The following CDIP1 variants were observed in gnomAD, a reference collection of about 807,000 sequenced individuals.
The protein encoded by CDIP1 is cell death inducing p53 target 1, also known as cell death-inducing p53-target protein 1.
CDIP1 carries 9 observed loss-of-function variants against 17.7 expected under a neutral mutation model. That is an observed-to-expected ratio of 0.51 (90% confidence interval 0.31 to 0.89). The LOEUF is 0.89. CDIP1 is among the 40% of genes least tolerant of loss of function. The pLI, the probability that CDIP1 is intolerant of heterozygous loss-of-function variation, is 0.05. For missense variants in CDIP1, 263 were observed against 277.9 expected, an observed-to-expected ratio of 0.95 and a Z score of 0.38; for synonymous variants, 117 against 109.5, an observed-to-expected ratio of 1.07 and a Z score of -0.43.
intron 1 of CDIP1, among the ~76,000 whole-genome samples, chr16:4,529,356 G>A (rs1227527979): frequency 6.6e-6 from 1 of 152,192 alleles, no homozygotes; most frequent in Non-Finnish European, 1.5e-5. Context: ...TAATAAAAAC[G>A]AGTGATAGAG....
At chr16:4,517,383 A>G (rs1160952579) in intron 1 of CDIP1, among the ~76,000 whole-genome samples, 1 of 152,188 alleles carries the variant, frequency 6.6e-6, no homozygotes, top group Non-Finnish European at 1.5e-5. Flanking sequence ...CTAGGACCCC[A>G]GCATGACTCT....
In CDIP1 at chr16:4,518,553, C is replaced by T. The variant is rs142249803; in HGVS notation, c.-104-3889G>A. 2.1e-4 allele frequency among the ~76,000 whole-genome samples: 32 copies of T among 152,324 alleles called. No homozygotes were observed. The East Asian group carries it at 4.3e-3, about 20-fold the overall frequency. ...CTGCTACTCACTGCTCCCCCTCACC[C>T]CTCCATATCCACATGCGTCCTCCTG... On this transcript the variant is annotated intron_variant, in intron 1 of 5. Coordinates refer to ENST00000567695, the MANE Select transcript of CDIP1 (RefSeq NM_013399.3).
At chr16:4,536,556 A>G (rs1413072243) in intron 1 of CDIP1, 1 of 151,990 alleles carries the variant, frequency 6.6e-6, no homozygotes, top group Non-Finnish European at 1.5e-5. Context: ...TCTCAAAACA[A>G]TTTTGTTCCC....
rs375638981 is a variant in CDIP1, at chr16:4,514,089, T to C, written c.42A>G (p.Thr14=). The C allele has an allele frequency of 1.6e-5, 25 of 1,541,982 alleles. No homozygotes were observed. The South Asian group carries it at 2.8e-4, about 17-fold the overall frequency. Residue 14 remains threonine (T), a synonymous_variant, in exon 3 of 6, where the codon ACA becomes ACG. Transcript: ENST00000567695. The surrounding 1 kb of genome is among the most constrained non-coding windows in gnomAD (Gnocchi z 5.2). The part of the protein sequence containing the change: ...EPPPPYPGGP[T]APLLEEKSGA... Reference sequence around the variant, plus strand: ...CACTTTTCTCTTCCAGAAGTGGGGCTGTGGGGCCCCCAGGATAAGGAGGGG... The same window carrying C: ...CACTTTTCTCTTCCAGAAGTGGGGCCGTGGGGCCCCCAGGATAAGGAGGGG...
chr16:4,522,053 T>C (rs1386320445), intron 1 of CDIP1, among the ~76,000 whole-genome samples: 1 of 152,178 alleles, frequency 6.6e-6, no homozygotes, highest in Admixed American at 6.5e-5. Flanking sequence ...TGGTGCATGT[T>C]CACTAATATG....
chr16:4,528,602 A>C (rs2141653573), intron 1 of CDIP1, among the ~76,000 whole-genome samples: 1 of 145,640 alleles, frequency 6.9e-6, no homozygotes, highest in African/African-American at 2.5e-5. Context: ...GGAACACTCA[A>C]CCCAGGAGGT....
intron 1 of CDIP1, among the ~76,000 whole-genome samples, chr16:4,537,749 C>T (rs1460570302): frequency 6.6e-6 from 1 of 152,364 alleles, no homozygotes; most frequent in Non-Finnish European, 1.5e-5. Flanking sequence ...GGTTCTGACG[C>T]AGAGGATCTT....
At chr16:4,518,708 C>G (rs2058913649) in intron 1 of CDIP1, among the ~76,000 whole-genome samples, 1 of 152,212 alleles carries the variant, frequency 6.6e-6, no homozygotes, top group Admixed American at 6.5e-5. Context: ...AATACAAAAT[C>G]AAACATGCAT....
At chr16:4,537,006 C>T (rs906751210) in intron 1 of CDIP1, among the ~76,000 whole-genome samples, 1 of 152,068 alleles carries the variant, frequency 6.6e-6, no homozygotes, top group African/African-American at 2.4e-5. Context: ...GGAAAACCTC[C>T]GAACTCCTTC....
At chr16:4,525,859 C>G (rs2058994517) in intron 1 of CDIP1, among the ~76,000 whole-genome samples, 1 of 152,190 alleles carries the variant, frequency 6.6e-6, no homozygotes, top group African/African-American at 2.4e-5. Context: ...GGCCCATTTC[C>G]CATTGTCCTG....
At chr16:4,525,340 C>A (rs2058988887) in intron 1 of CDIP1, among the ~76,000 whole-genome samples, 1 of 152,158 alleles carries the variant, frequency 6.6e-6, no homozygotes, top group Admixed American at 6.5e-5. Context: ...AGGACACATT[C>A]TTCTGCAACT....
At chr16:4,516,363 A>G (rs1271708900) in intron 1 of CDIP1, among the ~76,000 whole-genome samples, 2 of 152,170 alleles carry the variant, frequency 1.3e-5, no homozygotes, top group Non-Finnish European at 2.9e-5. Flanking sequence ...ATAACTAAAA[A>G]CCACTGAATT....
At chr16:4,517,556 AT>A (rs1261572898) in intron 1 of CDIP1, among the ~76,000 whole-genome samples, 3 of 152,178 alleles carry the variant, frequency 2.0e-5, no homozygotes, top group Non-Finnish European at 2.9e-5. Context: ...CATGGTCAAC[AT>A]GGCAAGACTC....
intron 1 of CDIP1, among the ~76,000 whole-genome samples, chr16:4,522,843 G>A (rs990585796): frequency 1.3e-5 from 2 of 152,206 alleles, no homozygotes; most frequent in African/African-American, 2.4e-5. Context: ...GCCTGAAGGG[G>A]ACCCTTCCAG....
chr16:4,532,883 G>A (rs2059070013), intron 1 of CDIP1: 1 of 152,402 alleles, frequency 6.6e-6, no homozygotes, highest in South Asian at 2.1e-4. Context: ...GGGAATCTGA[G>A]ATCTGAGAAG....
intron 1 of CDIP1, among the ~76,000 whole-genome samples, chr16:4,524,490 C>A (rs1356784615): frequency 6.6e-6 from 1 of 152,196 alleles, no homozygotes; most frequent in Non-Finnish European, 1.5e-5. Flanking sequence ...AGTGACAAAG[C>A]TTTGGCTAAT....
rs1446752068 is a variant in CDIP1 at position 4,511,590 on chromosome 16, G to T, written c.*982C>A. The T allele has an allele frequency of 1.3e-5, 2 of 152,394 alleles. No homozygotes were observed. Among genetic ancestry groups the T allele is most frequent in the African/African-American group, 4.8e-5 (2 of 41,454 alleles). 9.4% of individuals were successfully genotyped at this position (152,394 alleles called of 1,614,324 possible). ...GCAGGAGCAGGTGTGAGCAGGCACA[G>T]CAACAGCCTGTCAGCTGGGGTGAGG... On this transcript the variant is annotated 3_prime_UTR_variant, in exon 6 of 6. Coordinates refer to ENST00000567695, the MANE Select transcript of CDIP1 (RefSeq NM_013399.3).
At position 4,515,263 on chromosome 16, in the gene CDIP1, T is replaced by G. The variant is rs138855453; in HGVS notation, c.-104-599A>C. Among the ~76,000 whole-genome samples the G allele has an allele frequency of 1.4e-3, 215 of 152,234 alleles. 1 individual carries two copies. Among genetic ancestry groups the G allele is most frequent in the Non-Finnish European group, 2.0e-3 (138 of 68,004 alleles). ...GATGGAGGGCACATAAGTTTGAATA[T>G]AAAGTTTAACAAATCAGGGGCAGGG... On this transcript the variant is annotated intron_variant, in intron 1 of 5. Transcript: ENST00000567695.
intron 1 of CDIP1, among the ~76,000 whole-genome samples, chr16:4,526,728 T>A (rs1370040828): frequency 2.7e-5 from 4 of 148,810 alleles, no homozygotes; most frequent in African/African-American, 9.8e-5. Flanking sequence ...AAAAATAAAA[T>A]AAAAAATAAA....
Sources: allele counts gnomAD v4.1 joint callset (sites outside exome capture counted in the v4.1 genomes callset), GRCh38; gene constraint gnomAD v4.1.1; non-coding constraint Gnocchi (gnomAD v3.1); transcripts MANE v1.5; gene names NCBI Gene and HGNC (gene_info 2026-07-23, HGNC 2026-07-21).